HPSE2: variants seen among roughly 807,000 people sequenced by gnomAD.
HPSE2 encodes inactive heparanase-2.
In HPSE2, 38 loss-of-function variants were observed where a neutral mutation model predicts 60.5. The ratio of observed to expected loss-of-function variants is 0.63; its 90% CI spans 0.48 to 0.82. HPSE2 has a LOEUF of 0.82. HPSE2 is among the 40% of genes least tolerant of loss of function. The pLI is 0.00. For missense variants in HPSE2, 713 were observed against 740.4 expected, an observed-to-expected ratio of 0.96 and a Z score of 0.43; for synonymous variants, 295 against 293.2, an observed-to-expected ratio of 1.01 and a Z score of -0.06.
chr10:98,548,164 A>G (rs562890619), intron 9 of HPSE2, among the ~76,000 whole-genome samples: 11 of 152,340 alleles, frequency 7.2e-5, no homozygotes, highest in African/African-American at 2.4e-4. Context: ...CATTATGGCC[A>G]CAGAGAAGAA....
chr10:99,295,620 C>T, the HPSE2 span, among the ~76,000 whole-genome samples: 5 of 152,116 alleles, frequency 3.3e-5, no homozygotes, highest in Admixed American at 3.3e-4. Flanking sequence ...CTGGAAAGTA[C>T]AGCCATACTT....
intron 11 of HPSE2, among the ~76,000 whole-genome samples, chr10:98,471,140 A>C (rs1434245074): frequency 6.6e-6 from 1 of 152,224 alleles, no homozygotes; most frequent in Non-Finnish European, 1.5e-5. Context: ...CCTTTGGCAA[A>C]ATGGCATAGC....
At chr10:98,923,883 A>C (rs539902062) in intron 3 of HPSE2, among the ~76,000 whole-genome samples, 1 of 152,064 alleles carries the variant, frequency 6.6e-6, no homozygotes, top group Non-Finnish European at 1.5e-5. Context: ...ATATATATCT[A>C]TCTCTCTGGG....
intron 3 of HPSE2, among the ~76,000 whole-genome samples, chr10:98,994,391 T>C (rs1344201535): frequency 6.6e-6 from 1 of 152,146 alleles, no homozygotes; most frequent in African/African-American, 2.4e-5. Flanking sequence ...TCAAGTCAAA[T>C]TCAGCCTAAG....
At chr10:98,796,081 C>T (rs1326142039) in intron 3 of HPSE2, among the ~76,000 whole-genome samples, 1 of 151,944 alleles carries the variant, frequency 6.6e-6, no homozygotes, top group East Asian at 1.9e-4. Context: ...AGGGTGTGAC[C>T]CAAGACATTC....
chr10:98,902,098 G>C (rs1488603031), intron 3 of HPSE2, among the ~76,000 whole-genome samples: 1 of 152,064 alleles, frequency 6.6e-6, no homozygotes, highest in East Asian at 1.9e-4. Flanking sequence ...AGATGCCTTA[G>C]GATCTGAATC....
chr10:98,479,539 T>C (rs1008361820), intron 11 of HPSE2, among the ~76,000 whole-genome samples: 1 of 152,196 alleles, frequency 6.6e-6, no homozygotes, highest in Non-Finnish European at 1.5e-5. Context: ...AGCAGAGCAC[T>C]AGATGTGGTC....
At chr10:99,076,481 G>C (rs970980264) in intron 3 of HPSE2, among the ~76,000 whole-genome samples, 18 of 152,122 alleles carry the variant, frequency 1.2e-4, no homozygotes, top group Admixed American at 6.6e-5. Flanking sequence ...TCTGCCTTCT[G>C]TGCTCAAGCA....
At chr10:99,132,653 C>A (rs1845489431) in intron 3 of HPSE2, among the ~76,000 whole-genome samples, 1 of 152,104 alleles carries the variant, frequency 6.6e-6, no homozygotes, top group Non-Finnish European at 1.5e-5. Flanking sequence ...AGAGAATTTT[C>A]TCCCCCACCC....
At chr10:99,135,421 C>T (rs1193640077) in intron 3 of HPSE2, among the ~76,000 whole-genome samples, 4 of 152,232 alleles carry the variant, frequency 2.6e-5, no homozygotes, top group Admixed American at 2.6e-4. Context: ...CTCAGCACCA[C>T]ATCACACTTA....
chr10:98,717,124 A>C (rs937581626), intron 5 of HPSE2, among the ~76,000 whole-genome samples: 5 of 152,138 alleles, frequency 3.3e-5, no homozygotes, highest in African/African-American at 1.2e-4. Flanking sequence ...AAACTTCATA[A>C]ACAAACCTCT....
intron 6 of HPSE2, among the ~76,000 whole-genome samples, chr10:98,642,491 T>C (rs77780654): frequency 0.027 from 4,142 of 152,288 alleles, 213 homozygotes; most frequent in African/African-American, 0.095. Context: ...TATGCTGTGG[T>C]TGCCTACTAC....
chr10:98,767,194 T>C (rs1950139145), intron 3 of HPSE2, among the ~76,000 whole-genome samples: 1 of 152,160 alleles, frequency 6.6e-6, no homozygotes, highest in Non-Finnish European at 1.5e-5. Context: ...CTTTTTCACT[T>C]GTGTACAAGG....
intron 3 of HPSE2, among the ~76,000 whole-genome samples, chr10:98,843,613 C>G (rs1440445877): frequency 6.6e-6 from 1 of 152,146 alleles, no homozygotes; most frequent in Non-Finnish European, 1.5e-5. Flanking sequence ...ATTCCCTAAC[C>G]TACTTCCTGC....
chr10:98,522,345 A>G (rs1043377114), intron 9 of HPSE2, among the ~76,000 whole-genome samples: 1 of 152,176 alleles, frequency 6.6e-6, no homozygotes, highest in Non-Finnish European at 1.5e-5. Flanking sequence ...ACCATCCACT[A>G]TAAGAGAAAC....
At chr10:98,722,402 CA>C (rs1565109969) in intron 4 of HPSE2, among the ~76,000 whole-genome samples, 1 of 151,710 alleles carries the variant, frequency 6.6e-6, no homozygotes, top group Non-Finnish European at 1.5e-5. Context: ...GATTCTCTCT[CA>C]AAACTCCCAG....
At chr10:98,861,958 T>C (rs1220325865) in intron 3 of HPSE2, among the ~76,000 whole-genome samples, 1 of 152,164 alleles carries the variant, frequency 6.6e-6, no homozygotes, top group Non-Finnish European at 1.5e-5. Flanking sequence ...CCTCTAGCGT[T>C]TGCAGGAATA....
At chr10:99,084,981 A>G (rs1843269886) in intron 3 of HPSE2, among the ~76,000 whole-genome samples, 1 of 152,146 alleles carries the variant, frequency 6.6e-6, no homozygotes, top group South Asian at 2.1e-4. Flanking sequence ...TTGACTACCA[A>G]CTTTCCCTTA....
intron 3 of HPSE2, among the ~76,000 whole-genome samples, chr10:99,117,372 T>TA (rs1297378233): frequency 2.5e-4 from 11 of 43,452 alleles, no homozygotes; most frequent in Non-Finnish European, 4.0e-5. Context: ...GACTGAGACA[T>TA]AAAAAACCAT....
Sources: allele counts gnomAD v4.1 joint callset (sites outside exome capture counted in the v4.1 genomes callset), GRCh38; gene constraint gnomAD v4.1.1; transcripts MANE v1.5; gene names NCBI Gene and HGNC (gene_info 2026-07-23, HGNC 2026-07-21).